The following BIRC6 variants were observed in gnomAD, a reference collection of about 807,000 sequenced individuals.
The protein encoded by BIRC6 is dual E2 ubiquitin-conjugating enzyme/E3 ubiquitin-protein ligase BIRC6.
A neutral mutation model predicts 503.3 loss-of-function variants in BIRC6; 98 were observed. The ratio of observed to expected loss-of-function variants is 0.19; its 90% CI spans 0.17 to 0.23. The LOEUF is 0.23. BIRC6 is among the 10% of genes least tolerant of loss of function. The pLI, the probability that BIRC6 is intolerant of heterozygous loss-of-function variation, is 1.00. For missense variants in BIRC6, 5,360 were observed against 5,806.0 expected, an observed-to-expected ratio of 0.92 and a Z score of 2.50; for synonymous variants, 2,240 against 2,078.7, an observed-to-expected ratio of 1.08 and a Z score of -2.11.
chr2:32,588,272 C>A (rs536673797), intron 66 of BIRC6, among the ~76,000 whole-genome samples: 1 of 152,118 alleles, frequency 6.6e-6, no homozygotes, highest in Non-Finnish European at 1.5e-5. Context: ...GGGAGAATTG[C>A]TGGAACCTGG....
At chr2:32,421,428 C>G (rs1454041055) in intron 10 of BIRC6, among the ~76,000 whole-genome samples, 14 of 152,018 alleles carry the variant, frequency 9.2e-5, no homozygotes, top group Admixed American at 8.5e-4. Flanking sequence ...AAAGTAGAAG[C>G]TTATTGGTTT....
At chr2:32,598,269 G>GA (rs894098452) in intron 69 of BIRC6, among the ~76,000 whole-genome samples, 34 of 150,578 alleles carry the variant, frequency 2.3e-4, no homozygotes, top group African/African-American at 7.6e-4. Flanking sequence ...CGCTGCTGTT[G>GA]AAAAAAACAT....
intron 3 of BIRC6, among the ~76,000 whole-genome samples, chr2:32,380,547 C>T (rs986869163): frequency 6.6e-5 from 10 of 151,820 alleles, no homozygotes; most frequent in Non-Finnish European, 1.0e-4. Flanking sequence ...GCCAACATGG[C>T]GAAACCCCAT....
intron 40 of BIRC6, among the ~76,000 whole-genome samples, chr2:32,486,873 G>A (rs1178477215): frequency 6.6e-6 from 1 of 152,006 alleles, no homozygotes; most frequent in Non-Finnish European, 1.5e-5. Context: ...GGCAATATGG[G>A]GATCCCTTTT....
At chr2:32,568,633 C>G (rs932898729) in intron 65 of BIRC6, among the ~76,000 whole-genome samples, 1 of 151,700 alleles carries the variant, frequency 6.6e-6, no homozygotes, top group Admixed American at 6.6e-5. Context: ...CACTTGAGAT[C>G]TGTAGTTCGA....
intron 46 of BIRC6, 60 bp downstream of exon 46, chr2:32,500,169 A>G (rs949913986): frequency 2.2e-6 from 3 of 1,389,662 alleles, no homozygotes; most frequent in Non-Finnish European, 2.9e-6. Flanking sequence ...GTTTTTTTTT[A>G]AGCAATATAT....
intron 71 of BIRC6, among the ~76,000 whole-genome samples, chr2:32,606,832 C>T (rs911570335): frequency 6.6e-6 from 1 of 151,750 alleles, no homozygotes; most frequent in East Asian, 1.9e-4. Context: ...ATGATGAAAC[C>T]CCATCTCTAC....
chr2:32,539,356 A>G (rs546751912), intron 61 of BIRC6, among the ~76,000 whole-genome samples: 3 of 152,358 alleles, frequency 2.0e-5, no homozygotes, highest in South Asian at 2.1e-4. Context: ...GACGTAACCA[A>G]TATTTATGGA....
chr2:32,523,470 T>G (rs1408546258), intron 57 of BIRC6: 1 of 152,258 alleles, frequency 6.6e-6, no homozygotes, highest in Non-Finnish European at 1.5e-5. Context: ...AATGTTTCAC[T>G]CTGACCTGTG....
In BIRC6 at chr2:32,357,129, G is replaced by A; in HGVS notation, c.-33G>A. The A allele has an allele frequency of 6.9e-7, 1 of 1,454,006 alleles. No homozygotes were observed. The highest frequency in any genetic ancestry group is 9.0e-7 in the Non-Finnish European group (1 of 1,116,422). The allele number at this position is 1,454,006 out of a possible 1,614,324, so 90.1% of individuals were successfully genotyped here. On this transcript the variant is annotated 5_prime_UTR_variant, in exon 1 of 74. Transcript: ENST00000421745. This position sits in a 1 kb window ranked among gnomAD's most constrained non-coding sequence, Gnocchi z 4.9. ...CGTGCGGGCGCCTGACTTCACTTCC[G>A]GCTAACGCGCTCGGCTTGCCCCCTG...
intron 10 of BIRC6, among the ~76,000 whole-genome samples, chr2:32,421,919 A>G (rs2042991299): frequency 6.6e-6 from 1 of 152,190 alleles, no homozygotes; most frequent in Non-Finnish European, 1.5e-5. Context: ...TTTGAGAGCA[A>G]GTATTGAAAT....
chr2:32,598,887 G>A (rs1196510218), intron 69 of BIRC6, among the ~76,000 whole-genome samples: 2 of 151,848 alleles, frequency 1.3e-5, no homozygotes, highest in Non-Finnish European at 2.9e-5. Context: ...GCTGGCTGTG[G>A]TGGCAGGCAC....
At chr2:32,567,897 C>T (rs568940490) in intron 65 of BIRC6, among the ~76,000 whole-genome samples, 130 of 152,148 alleles carry the variant, frequency 8.5e-4, no homozygotes, top group African/African-American at 2.9e-3. Context: ...GTCAGGAAAT[C>T]GAGACCATCC....
intron 8 of BIRC6, among the ~76,000 whole-genome samples, chr2:32,402,777 T>C (rs576124998): frequency 1.3e-5 from 2 of 152,302 alleles, no homozygotes; most frequent in South Asian, 2.1e-4. Context: ...GGAAAAGTAA[T>C]AGAAGATAAT....
intron 15 of BIRC6, among the ~76,000 whole-genome samples, chr2:32,438,598 C>T (rs1459591183): frequency 5.4e-5 from 7 of 130,426 alleles, no homozygotes; most frequent in South Asian, 2.4e-4. Context: ...CTTGCTCTGT[C>T]GCCCAGGCTG....
At chr2:32,424,393 T>G (rs1422003327) in intron 10 of BIRC6, among the ~76,000 whole-genome samples, 1 of 152,186 alleles carries the variant, frequency 6.6e-6, no homozygotes, top group East Asian at 1.9e-4. Flanking sequence ...TTCCACATTT[T>G]GGCTATTGTG....
Position 32,499,825 on chromosome 2 carries a change from A to T in BIRC6, c.8747A>T (p.Asp2916Val). 1 of 1,614,028 alleles carries T rather than the reference A, an allele frequency of 6.2e-7. No individual in the cohort carries two copies. Among genetic ancestry groups the T allele is most frequent in the African/African-American group, 1.3e-5 (1 of 75,052 alleles). The change falls in exon 46 of 74, where the codon GAT becomes GTT. Residue 2916 changes from aspartate to valine, a missense_variant. Asp to Val is a radical substitution (Grantham distance 152). Coordinates refer to ENST00000421745, the MANE Select transcript of BIRC6 (RefSeq NM_016252.4). ...GCAGTTTGTGGCGAAATGACAAGAG[A>T]TCAACTCATGTTTGATTTGTTAAAA... ...AKAVCGEMTRDQLMFDLLKLV... is the reference protein window; with the variant it reads ...AKAVCGEMTRVQLMFDLLKLV...
intron 23 of BIRC6, among the ~76,000 whole-genome samples, chr2:32,455,067 C>T (rs368224254): frequency 3.3e-5 from 5 of 152,106 alleles, no homozygotes; most frequent in African/African-American, 4.8e-5. Flanking sequence ...CAGGACCTTT[C>T]GTGGAACTGT....
chr2:32,540,900 A>G (rs1257524205), intron 61 of BIRC6, among the ~76,000 whole-genome samples: 1 of 152,050 alleles, frequency 6.6e-6, no homozygotes, highest in Non-Finnish European at 1.5e-5. Flanking sequence ...CATATCTAAT[A>G]TAAGACTTAA....
Sources: gnomAD v4.1 joint callset for allele counts (sites outside exome capture counted in the v4.1 genomes callset) on GRCh38, gnomAD v4.1.1 for gene constraint, Gnocchi (gnomAD v3.1) non-coding constraint, MANE v1.5 for transcripts, NCBI Gene and HGNC (gene_info 2026-07-23, HGNC 2026-07-21) for gene names.